Variants in AGK observed in about 807,000 individuals in gnomAD.
AGK encodes acylglycerol kinase.
In AGK, 52 loss-of-function variants were observed where a neutral mutation model predicts 66.4. The observed-to-expected ratio is 0.78, with a 90% CI of 0.63 to 0.99. AGK has a LOEUF of 0.99. AGK is among the 50% of genes least tolerant of loss of function. AGK has a pLI of 0.00. For missense variants in AGK, 451 were observed against 506.6 expected (o/e 0.89, Z 1.05); for synonymous variants, 182 against 181.1 (o/e 1.00, Z -0.04).
rs1291821593 is a variant in AGK at position 141,652,778 on chromosome 7, T to A, written c.1132-9T>A. On this transcript the variant is annotated splice_polypyrimidine_tract_variant and intron_variant, in intron 15 of 15. Coordinates refer to ENST00000649286, the MANE Select transcript of AGK (RefSeq NM_018238.4). ...GTTTGAGCTGTTCTGAATATTCTCT[T>A]CTCCCCAGGGAGCAGGGGGCTCTTT... 6.2e-7 allele frequency: 1 copy of A among 1,612,492 alleles called. No homozygotes were observed. Among genetic ancestry groups the A allele is most frequent in the Non-Finnish European group, 8.5e-7 (1 of 1,179,886 alleles).
intron 2 of AGK, among the ~76,000 whole-genome samples, chr7:141,586,150 A>G (rs1795990742): frequency 6.6e-6 from 1 of 152,132 alleles, no homozygotes; most frequent in African/African-American, 2.4e-5. Flanking sequence ...GGTGTGTCAA[A>G]AGGAACTCCC....
chr7:141,578,900 G>A (rs1795815876), intron 2 of AGK, among the ~76,000 whole-genome samples: 1 of 152,062 alleles, frequency 6.6e-6, no homozygotes, highest in Non-Finnish European at 1.5e-5. Flanking sequence ...TGTACTTTAA[G>A]AGGGAGTTAA....
intron 9 of AGK, among the ~76,000 whole-genome samples, 153 bp from the exon 10 acceptor site, chr7:141,633,748 C>A (rs1797110039): frequency 6.6e-6 from 1 of 152,142 alleles, no homozygotes; most frequent in East Asian, 1.9e-4. Context: ...TTTTACTAAG[C>A]ACTCACAGGG....
In AGK at chr7:141,641,350, A is replaced by G; in HGVS notation, c.829A>G (p.Arg277Gly). The G allele has an allele frequency of 6.2e-7, 1 of 1,613,862 alleles. No individual in the cohort carries two copies. The highest frequency in any genetic ancestry group is 8.5e-7 in the Non-Finnish European group (1 of 1,179,910). Residue 277 changes from arginine to glycine, a missense_variant, in exon 12 of 16, where the codon AGG becomes GGG. Arg to Gly is a moderately radical substitution (Grantham distance 125). Transcript: ENST00000649286. ...ETPVQRPSLY[R>G]RILRRLASYW... Reference sequence around the variant, plus strand: ...CCCTGTACAAAGGCCTTCTTTGTACAGGAGAATATTACGAAGGCTTGCGTC... The same window carrying G: ...CCCTGTACAAAGGCCTTCTTTGTACGGGAGAATATTACGAAGGCTTGCGTC...
At chr7:141,568,867 C>A (rs922689584) in intron 2 of AGK, among the ~76,000 whole-genome samples, 15 of 152,152 alleles carry the variant, frequency 9.9e-5, no homozygotes, top group African/African-American at 3.1e-4. Flanking sequence ...TGAGCCACCA[C>A]GCCTGGCACC....
chr7:141,555,460 C>T lies in AGK; in HGVS notation c.-7C>T, dbSNP rs1795187513. 4 of 1,611,510 alleles carry T rather than the reference C, an allele frequency of 2.5e-6. 1 individual carries two copies. In the Admixed American group the frequency reaches 6.7e-5, roughly 27 times the overall value. On this transcript the variant is annotated 5_prime_UTR_variant, in exon 2 of 16. Coordinates refer to ENST00000649286, the MANE Select transcript of AGK (RefSeq NM_018238.4). The surrounding 1 kb of genome is among the most constrained non-coding windows in gnomAD (Gnocchi z 4.2). ...CCGCCTCTACTAACCTAGCAAATCT[C>T]TAGAAGATGACGGTGTTCTTTAAAA...
intron 10 of AGK, among the ~76,000 whole-genome samples, chr7:141,636,256 A>G (rs1797166619): frequency 6.6e-6 from 1 of 152,156 alleles, no homozygotes; most frequent in Non-Finnish European, 1.5e-5. Flanking sequence ...GGTGTACAGG[A>G]TCTAGTCATT....
chr7:141,647,119 A>C (rs555249200), intron 13 of AGK, among the ~76,000 whole-genome samples: 1 of 139,566 alleles, frequency 7.2e-6, no homozygotes, highest in Admixed American at 7.7e-5. Flanking sequence ...AGAGCAGATC[A>C]TTGCTCCTGG....
intron 13 of AGK, among the ~76,000 whole-genome samples, chr7:141,644,294 A>G (rs1797356027): frequency 6.6e-6 from 1 of 152,182 alleles, no homozygotes; most frequent in Admixed American, 6.5e-5. Flanking sequence ...TGCGCTCAAG[A>G]TTAGCCACAC....
chr7:141,634,545 G>A (rs1002644788), intron 10 of AGK, among the ~76,000 whole-genome samples: 1 of 152,148 alleles, frequency 6.6e-6, no homozygotes, highest in African/African-American at 2.4e-5. Flanking sequence ...CATGAGAATT[G>A]ACTTATTTTT....
chr7:141,589,819 C>G (rs1296200157), intron 2 of AGK, among the ~76,000 whole-genome samples: 1 of 152,166 alleles, frequency 6.6e-6, no homozygotes, highest in Non-Finnish European at 1.5e-5. Context: ...CTCGGCATCC[C>G]AAAGTGCTGG....
chr7:141,594,738 C>T (rs1031799593), intron 3 of AGK, among the ~76,000 whole-genome samples: 1 of 151,706 alleles, frequency 6.6e-6, no homozygotes, highest in Admixed American at 6.6e-5. Flanking sequence ...CTGCAACCTC[C>T]GCCTCCCAGG....
rs757515629 is a variant in AGK, at chr7:141,652,823, T to C, written c.1168T>C (p.Tyr390His). Residue 390 changes from tyrosine (Y) to histidine (H), a missense_variant, in exon 16 of 16, where the codon TAT becomes CAT. Physicochemically the swap from Tyr to His is moderately conservative, Grantham distance 83. Transcript: ENST00000649286. ...GGSFSIDSEEYEAMPVEVKLL... is the reference protein window; with the variant it reads ...GGSFSIDSEEHEAMPVEVKLL... The stretch of plus-strand genomic sequence containing the variant: ...CTCTTTTAGCATTGACAGTGAGGAG[T>C]ATGAAGCGATGCCTGTGGAGGTGAA... 2.5e-6 allele frequency: 4 copies of C among 1,613,630 alleles called. No individual in the cohort carries two copies. In the Admixed American group the frequency reaches 6.7e-5, roughly 27 times the overall value.
chr7:141,630,861 G>A (rs1423128545), intron 9 of AGK, among the ~76,000 whole-genome samples: 3 of 152,180 alleles, frequency 2.0e-5, no homozygotes, highest in Non-Finnish European at 2.9e-5. Context: ...CGGAACAACG[G>A]AAAGACTAGA....
At chr7:141,561,949 C>T (rs1383412335) in intron 2 of AGK, among the ~76,000 whole-genome samples, 1 of 152,168 alleles carries the variant, frequency 6.6e-6, no homozygotes, top group Non-Finnish European at 1.5e-5. Flanking sequence ...TCTAGCCATC[C>T]AGCAGGGATA....
chr7:141,561,540 A>T (rs975815936), intron 2 of AGK, among the ~76,000 whole-genome samples: 1 of 151,446 alleles, frequency 6.6e-6, no homozygotes, highest in Admixed American at 6.6e-5. Flanking sequence ...GATTTTTTTC[A>T]TATACTTCTT....
rs146482963 is a variant in AGK at position 141,557,964 on chromosome 7, A to G, written c.101+2397A>G. 1.4e-3 allele frequency among the ~76,000 whole-genome samples: 206 copies of G among 152,260 alleles called. 2 individuals carry two copies. Among genetic ancestry groups the G allele is most frequent in the African/African-American group, 4.8e-3 (198 of 41,544 alleles). On this transcript the variant is annotated intron_variant, in intron 2 of 15. Transcript: ENST00000649286. ...GATCTCTAGAACTTTTTCATCTTGC[A>G]AAACTGAAACTCTGTACCCATTGAA... is the stretch of plus-strand genomic sequence containing the variant.
At chr7:141,583,556 G>A (rs941898731) in intron 2 of AGK, among the ~76,000 whole-genome samples, 18 of 151,008 alleles carry the variant, frequency 1.2e-4, no homozygotes, top group Non-Finnish European at 2.4e-4. Context: ...AGAAGGGGTG[G>A]GGGGTGCTTG....
chr7:141,621,406 T>TA (rs1321724953), intron 8 of AGK, among the ~76,000 whole-genome samples: 1 of 152,140 alleles, frequency 6.6e-6, no homozygotes, highest in Non-Finnish European at 1.5e-5. Flanking sequence ...TTACAATGAA[T>TA]AAAAAAAGTT....
Sources: allele counts gnomAD v4.1 joint callset (sites outside exome capture counted in the v4.1 genomes callset), GRCh38; gene constraint gnomAD v4.1.1; non-coding constraint Gnocchi (gnomAD v3.1); transcripts MANE v1.5; gene names NCBI Gene and HGNC (gene_info 2026-07-23, HGNC 2026-07-21).